NRP1: variants seen among roughly 807,000 people sequenced by gnomAD.
The protein encoded by NRP1 is neuropilin 1.
NRP1 carries 35 observed loss-of-function variants against 106.7 expected under a neutral mutation model. The observed-to-expected ratio is 0.33, with a 90% CI of 0.25 to 0.43. NRP1 has a LOEUF of 0.43. Among genes scored for constraint, NRP1 ranks in the 20% least tolerant of loss-of-function variants. The pLI is 1.00. For synonymous variants in NRP1, 437 were observed against 417.9 expected, an observed-to-expected ratio of 1.05 and a Z score of -0.56; for missense variants, 1,024 against 1,170.4, an observed-to-expected ratio of 0.87 and a Z score of 1.83.
intron 13 of NRP1, 96 bp downstream of exon 13, chr10:33,192,185 C>G (rs190554742): frequency 3.7e-6 from 5 of 1,353,504 alleles, no homozygotes; most frequent in African/African-American, 2.9e-5. Flanking sequence ...TCCTACCCGC[C>G]CTAAATTCAC....
intron 10 of NRP1, among the ~76,000 whole-genome samples, chr10:33,204,345 A>G (rs1209681957): frequency 2.0e-5 from 3 of 152,204 alleles, no homozygotes; most frequent in Non-Finnish European, 4.4e-5. Context: ...AGTAATAACT[A>G]AGAAGTCACC....
chr10:33,276,063 C>T lies in NRP1; in HGVS notation c.249-5207G>A, dbSNP rs567291578. ...TATTCATATGCAGAAAAAATCTAGA[C>T]GGAACTAACTAGGCCAAGCCATTAA... is the stretch of plus-strand genomic sequence containing the variant. On this transcript the variant is annotated intron_variant, in intron 2 of 16. Transcript: ENST00000374867. 6.6e-5 allele frequency among the ~76,000 whole-genome samples: 10 copies of T among 152,236 alleles called. No homozygotes were observed. The East Asian group carries it at 9.6e-4, about 15-fold the overall frequency.
chr10:33,233,927 C>T lies in NRP1; in HGVS notation c.982-7638G>A, dbSNP rs572742725. Among the ~76,000 whole-genome samples, 118 of 152,276 alleles carry T rather than the reference C, an allele frequency of 7.7e-4. 1 individual carries two copies. The highest frequency in any genetic ancestry group is 6.8e-3 in the Middle Eastern group (2 of 294). Reference sequence around the variant, plus strand: ...GAGCCTGGGCCTGTGAACATCAATGCTATTCTAGGCTCTGTGGGCTTAACT... The same window carrying T: ...GAGCCTGGGCCTGTGAACATCAATGTTATTCTAGGCTCTGTGGGCTTAACT... On this transcript the variant is annotated intron_variant, in intron 6 of 16. Coordinates refer to ENST00000374867, the MANE Select transcript of NRP1 (RefSeq NM_003873.7).
intron 2 of NRP1, among the ~76,000 whole-genome samples, chr10:33,275,369 C>A (rs946449335): frequency 2.6e-5 from 4 of 152,058 alleles, no homozygotes; most frequent in African/African-American, 9.7e-5. Flanking sequence ...GAGATCGAGA[C>A]CATCCTGGCT....
chr10:33,219,073 C>T (rs1279458082), intron 8 of NRP1, among the ~76,000 whole-genome samples: 7 of 152,128 alleles, frequency 4.6e-5, no homozygotes, highest in Non-Finnish European at 4.4e-5. Context: ...AGAAGAAAAA[C>T]TTGAAATTAC....
intron 6 of NRP1, among the ~76,000 whole-genome samples, chr10:33,244,439 G>A (rs1168082656): frequency 6.6e-6 from 1 of 152,116 alleles, no homozygotes; most frequent in Non-Finnish European, 1.5e-5. Flanking sequence ...TGCATGTTAT[G>A]GATTTCATTA....
intron 5 of NRP1, among the ~76,000 whole-genome samples, chr10:33,254,909 C>T (rs891912762): frequency 1.3e-5 from 2 of 152,174 alleles, no homozygotes; most frequent in African/African-American, 4.8e-5. Context: ...GTGGACATGT[C>T]CCTGGAGGGA....
chr10:33,287,129 C>T (rs1352455631), intron 2 of NRP1, among the ~76,000 whole-genome samples: 1 of 152,166 alleles, frequency 6.6e-6, no homozygotes. Flanking sequence ...CTCAAAAACA[C>T]AGGTTAACAG....
intron 2 of NRP1, among the ~76,000 whole-genome samples, chr10:33,274,690 T>TGTGAC (rs1843556898): frequency 1.3e-5 from 2 of 152,172 alleles, no homozygotes; most frequent in Non-Finnish European, 2.9e-5. Context: ...CACTGTGAGC[T>TGTGAC]ACTGCACCAA....
intron 6 of NRP1, among the ~76,000 whole-genome samples, chr10:33,229,829 T>C (rs1440849879): frequency 6.6e-6 from 1 of 152,148 alleles, no homozygotes; most frequent in Non-Finnish European, 1.5e-5. Flanking sequence ...AGATTTTTTT[T>C]TTCTCAACAG....
chr10:33,245,540 A>G (rs1424534770), intron 6 of NRP1, among the ~76,000 whole-genome samples: 2 of 152,240 alleles, frequency 1.3e-5, no homozygotes, highest in Non-Finnish European at 2.9e-5. Context: ...GTCAGCAAAT[A>G]AGTAGGGATA....
chr10:33,204,813 C>A (rs915154734), intron 10 of NRP1, among the ~76,000 whole-genome samples: 1 of 152,076 alleles, frequency 6.6e-6, no homozygotes, highest in Non-Finnish European at 1.5e-5. Context: ...CTCACTGCAA[C>A]CTCCGCCTCC....
At chr10:33,311,269 AG>A (rs1448254078) in intron 2 of NRP1, among the ~76,000 whole-genome samples, 1 of 152,218 alleles carries the variant, frequency 6.6e-6, no homozygotes, top group Non-Finnish European at 1.5e-5. Flanking sequence ...ACCAGCAACC[AG>A]GAACAAACCT....
intron 6 of NRP1, among the ~76,000 whole-genome samples, chr10:33,243,625 GCCA>G (rs1841188776): frequency 1.0e-5 from 1 of 95,786 alleles, no homozygotes; most frequent in Non-Finnish European, 2.0e-5. Flanking sequence ...TTAGAATAAT[GCCA>G]TACATAAGTG....
At chr10:33,186,616 AG>A in intron 13 of NRP1, 128 bp from the exon 14 acceptor site, 1 of 1,117,792 alleles carries the variant, frequency 8.9e-7, no homozygotes, top group Non-Finnish European at 1.3e-6. Context: ...CGTAGTGGAA[AG>A]GGATAAGTGT....
intron 4 of NRP1, among the ~76,000 whole-genome samples, chr10:33,262,776 C>A (rs1383583172): frequency 6.6e-6 from 1 of 151,550 alleles, no homozygotes; most frequent in African/African-American, 2.4e-5. Flanking sequence ...CCACTCCCAA[C>A]TTCTCATCCC....
At chr10:33,202,031 T>C (rs1437272748) in intron 11 of NRP1, 1 of 152,230 alleles carries the variant, frequency 6.6e-6, no homozygotes, top group Non-Finnish European at 1.5e-5. Flanking sequence ...CCGAGTCCCT[T>C]CTGGGTAAAA....
chr10:33,207,492 A>G (rs1837880269), intron 10 of NRP1, 80 bp downstream of exon 10: 22 of 1,528,664 alleles, frequency 1.4e-5, no homozygotes, highest in Non-Finnish European at 1.8e-5. Flanking sequence ...GGCAATTTGC[A>G]AAGGCACCAT....
intron 2 of NRP1, among the ~76,000 whole-genome samples, chr10:33,282,049 C>T (rs954701505): frequency 1.3e-5 from 2 of 152,064 alleles, no homozygotes; most frequent in East Asian, 3.9e-4. Flanking sequence ...TTTGCTCTAG[C>T]ATTGCTCTCA....
Sources: allele counts gnomAD v4.1 joint callset (sites outside exome capture counted in the v4.1 genomes callset), GRCh38; gene constraint gnomAD v4.1.1; transcripts MANE v1.5; gene names NCBI Gene and HGNC (gene_info 2026-07-23, HGNC 2026-07-21).